Variants in ANKRD45 observed in about 807,000 individuals in gnomAD.
ANKRD45 encodes ankyrin repeat domain-containing protein 45.
Under a neutral mutation model 28.1 loss-of-function variants are expected in ANKRD45, and 21 were observed. The observed-to-expected ratio is 0.75, with a 90% CI of 0.53 to 1.08. The LOEUF (loss-of-function observed/expected upper bound fraction) is 1.08, where lower values mean the gene tolerates loss of function less well. Ranked by LOEUF, ANKRD45 falls within the 50% of genes least tolerant of loss-of-function variation. The pLI is 0.00. For synonymous variants in ANKRD45, 86 were observed against 103.9 expected (o/e 0.83, Z 1.05); for missense variants, 261 against 308.7 (o/e 0.85, Z 1.16).
rs1407092859 is a variant in ANKRD45 at position 173,624,988 on chromosome 1, T to A, written c.592-63A>T. On this transcript the variant is annotated intron_variant, in intron 4 of 5. Coordinates refer to ENST00000333279, the MANE Select transcript of ANKRD45 (RefSeq NM_198493.3). ...TATTGAAAAATAAAACTCAACAGTA[T>A]CTCTAAACCAGCACGTCCAACTGAA... The A allele has an allele frequency of 4.6e-6, 7 of 1,527,164 alleles. No homozygotes were observed. In the South Asian group the frequency reaches 6.0e-5, roughly 13 times the overall value. 94.6% of individuals were successfully genotyped at this position (1,527,164 alleles called of 1,614,324 possible). A position where few individuals can be genotyped will look rare whatever the true frequency, so the allele number is the denominator to read the frequency against.
At chr1:173,624,763 A>C (rs376984321) in intron 5 of ANKRD45, 24 bp downstream of exon 5, 51 of 1,600,408 alleles carry the variant, frequency 3.2e-5, no homozygotes, top group African/African-American at 2.7e-5. Flanking sequence ...CTGACATTCA[A>C]ACCACCTTTT....
intron 3 of ANKRD45, among the ~76,000 whole-genome samples, chr1:173,634,788 T>G (rs953012545): frequency 1.3e-5 from 2 of 151,916 alleles, no homozygotes; most frequent in Non-Finnish European, 2.9e-5. Context: ...GATTGTACAC[T>G]CCTTAAAGGC....
At chr1:173,649,379 T>C (rs566278293) in intron 2 of ANKRD45, among the ~76,000 whole-genome samples, 2 of 152,302 alleles carry the variant, frequency 1.3e-5, no homozygotes, top group African/African-American at 4.8e-5. Context: ...TTTAATCCTG[T>C]CAAATATTTA....
At chr1:173,704,016 A>T in the ANKRD45 span, among the ~76,000 whole-genome samples, 1 of 152,224 alleles carries the variant, frequency 6.6e-6, no homozygotes, top group Non-Finnish European at 1.5e-5. Context: ...TGTCCCTAGC[A>T]GGGTTATGTT....
At chr1:173,636,866 C>G (rs1158704379) in intron 3 of ANKRD45, 2 of 1,535,636 alleles carry the variant, frequency 1.3e-6, no homozygotes, top group Non-Finnish European at 8.7e-7. Context: ...TGGTAATGAT[C>G]TAGAAAGCCC....
the ANKRD45 span, among the ~76,000 whole-genome samples, chr1:173,714,065 C>G: frequency 6.6e-6 from 1 of 152,132 alleles, no homozygotes; most frequent in Non-Finnish European, 1.5e-5. Context: ...CCCTCAGAAA[C>G]AACTGGACAC....
At chr1:173,706,076 G>A in the ANKRD45 span, among the ~76,000 whole-genome samples, 936 of 152,006 alleles carry the variant, frequency 6.2e-3, 5 homozygotes, top group Non-Finnish European at 9.4e-3. Context: ...AGGCCGAGGC[G>A]GGTGGATCAC....
intron 1 of ANKRD45, among the ~76,000 whole-genome samples, chr1:173,664,328 T>C (rs1311915931): frequency 6.6e-6 from 1 of 152,224 alleles, no homozygotes; most frequent in Non-Finnish European, 1.5e-5. Flanking sequence ...TTAATAGTAG[T>C]TGTAATCTTT....
Position 173,609,541 on chromosome 1 carries a change from A to C in ANKRD45, c.*604T>G, listed in dbSNP as rs1399144019. 2 of 152,288 alleles carry C rather than the reference A, an allele frequency of 1.3e-5. No homozygotes were observed. Among genetic ancestry groups the C allele is most frequent in the African/African-American group, 4.8e-5 (2 of 41,460 alleles). 9.4% of individuals were successfully genotyped at this position (152,288 alleles called of 1,614,324 possible). Reference sequence around the variant, plus strand: ...TTACAATATCTGTATTGCCAGCCTTACAGAATAGGAGAACTCTTCTAAGTA... The same window carrying C: ...TTACAATATCTGTATTGCCAGCCTTCCAGAATAGGAGAACTCTTCTAAGTA... On this transcript the variant is annotated 3_prime_UTR_variant, in exon 6 of 6. Transcript: ENST00000333279.
At chr1:173,620,073 A>G (rs1320463995) in intron 5 of ANKRD45, among the ~76,000 whole-genome samples, 1 of 152,222 alleles carries the variant, frequency 6.6e-6, no homozygotes, top group African/African-American at 2.4e-5. Flanking sequence ...AAAGATATTC[A>G]GGACCTGAAC....
chr1:173,699,601 G>A, the ANKRD45 span, among the ~76,000 whole-genome samples: 1 of 152,072 alleles, frequency 6.6e-6, no homozygotes, highest in East Asian at 1.9e-4. Context: ...ATGCAGAAAA[G>A]GCCTGACAAA....
At chr1:173,635,764 T>C in intron 3 of ANKRD45, 2 of 1,535,580 alleles carry the variant, frequency 1.3e-6, no homozygotes, top group South Asian at 1.2e-5. Flanking sequence ...TCATTTATAA[T>C]TTATTACAAG....
intron 5 of ANKRD45, among the ~76,000 whole-genome samples, chr1:173,612,295 A>AAGAACGAAG: frequency 1.0e-5 from 1 of 98,492 alleles, no homozygotes; most frequent in African/African-American, 6.7e-5. Context: ...AAAGAAGGAA[A>AAGAACGAAG]GAAGGAAAGA....
chr1:173,666,022 A>T (rs1443108411), intron 1 of ANKRD45, among the ~76,000 whole-genome samples: 2 of 152,198 alleles, frequency 1.3e-5, no homozygotes, highest in African/African-American at 2.4e-5. Flanking sequence ...TCCAAAAAAC[A>T]ACAACAAAAA....
the ANKRD45 span, among the ~76,000 whole-genome samples, chr1:173,687,736 C>T: frequency 6.6e-6 from 1 of 152,076 alleles, no homozygotes; most frequent in African/African-American, 2.4e-5. Context: ...TGAGTGCAAA[C>T]AGCTCGCACA....
intron 1 of ANKRD45, among the ~76,000 whole-genome samples, chr1:173,662,979 T>G (rs922451304): frequency 6.6e-6 from 1 of 151,996 alleles, no homozygotes; most frequent in Non-Finnish European, 1.5e-5. Context: ...TTAGTTCAAC[T>G]CTTTCATTTT....
intron 5 of ANKRD45, among the ~76,000 whole-genome samples, chr1:173,618,235 C>T (rs1667548758): frequency 6.6e-6 from 1 of 152,208 alleles, no homozygotes; most frequent in Non-Finnish European, 1.5e-5. Context: ...GCCCAAGTGC[C>T]TCTTCTTCTA....
At chr1:173,691,307 T>C in the ANKRD45 span, among the ~76,000 whole-genome samples, 11,169 of 152,218 alleles carry the variant, frequency 0.073, 1,369 homozygotes, top group African/African-American at 0.25. Flanking sequence ...TCTTGATTTC[T>C]CACCCCTGAG....
intron 3 of ANKRD45, among the ~76,000 whole-genome samples, chr1:173,635,123 A>C (rs1391373119): frequency 1.3e-5 from 2 of 152,110 alleles, no homozygotes; most frequent in Admixed American, 6.5e-5. Flanking sequence ...AAATATTAGT[A>C]AAGTGTTCAC....
Sources: allele counts gnomAD v4.1 joint callset (sites outside exome capture counted in the v4.1 genomes callset), GRCh38; gene constraint gnomAD v4.1.1; transcripts MANE v1.5; gene names NCBI Gene and HGNC (gene_info 2026-07-23, HGNC 2026-07-21).